The following MPHOSPH8 variants were observed in gnomAD, a reference collection of about 807,000 sequenced individuals.
MPHOSPH8 encodes M-phase phosphoprotein, mpp.
Under a neutral mutation model 87.3 loss-of-function variants are expected in MPHOSPH8, and 45 were observed. That is an observed-to-expected ratio of 0.52 (90% CI 0.41 to 0.66). The LOEUF (loss-of-function observed/expected upper bound fraction) is 0.66, where lower values mean the gene tolerates loss of function less well. MPHOSPH8 is among the 30% of genes least tolerant of loss of function. The probability of loss-of-function intolerance (pLI) is 0.00; values close to 1 mark genes in which losing one functional copy is unlikely to be tolerated. For missense variants in MPHOSPH8, 883 were observed against 1,020.2 expected, an observed-to-expected ratio of 0.87 and a Z score of 1.83; for synonymous variants, 366 against 376.9, an observed-to-expected ratio of 0.97 and a Z score of 0.33.
rs559498022 is a variant in MPHOSPH8 at position 19,665,133 on chromosome 13, GA to G, written c.2020-1291del. Among the ~76,000 whole-genome samples the G allele has an allele frequency of 3.0e-4, 46 of 152,154 alleles. No homozygotes were observed. The South Asian group carries it at 9.1e-3, about 30-fold the overall frequency. On this transcript the variant is annotated intron_variant, in intron 9 of 13. Transcript: ENST00000361479. ...GAGATGGCTCTGGAAGTGGGTTGGG[GA>G]GGGCGTGGCGTTTCTTCCCTGAGCG...
intron 1 of MPHOSPH8, among the ~76,000 whole-genome samples, chr13:19,638,422 G>A (rs1484985674): frequency 1.3e-5 from 2 of 151,916 alleles, no homozygotes; most frequent in African/African-American, 4.8e-5. Flanking sequence ...AGACTATCCT[G>A]GCCAACATGG....
At chr13:19,664,400 G>A (rs935563466) in intron 9 of MPHOSPH8, among the ~76,000 whole-genome samples, 4 of 152,210 alleles carry the variant, frequency 2.6e-5, no homozygotes, top group Non-Finnish European at 5.9e-5. Context: ...GAGCATGAGA[G>A]AGGTGGGTGG....
Position 19,661,763 on chromosome 13 carries a change from C to T in MPHOSPH8, c.1857C>T (p.Leu619=). ...GAGGGCAGGACGACCTCCTGCGACTCCTCATCACAAAAGGCGCGAAAGTGA... is the reference window on the plus strand; with the variant it reads ...GAGGGCAGGACGACCTCCTGCGACTTCTCATCACAAAAGGCGCGAAAGTGA... ...AAGGQDDLLR[L]LITKGAKVNG... Residue 619 remains leucine (L), a synonymous_variant, in exon 8 of 14, where the codon CTC becomes CTT. Transcript: ENST00000361479. 1 of 1,613,198 alleles carries T rather than the reference C, an allele frequency of 6.2e-7. No individual in the cohort carries two copies. The highest frequency in any genetic ancestry group is 8.5e-7 in the Non-Finnish European group (1 of 1,179,550).
At chr13:19,643,009 A>T (rs1037372015) in intron 2 of MPHOSPH8, among the ~76,000 whole-genome samples, 2 of 152,210 alleles carry the variant, frequency 1.3e-5, no homozygotes, top group African/African-American at 4.8e-5. Context: ...TATTTATAAG[A>T]TGACCACTGG....
chr13:19,665,508 G>T (rs61338420), intron 9 of MPHOSPH8, among the ~76,000 whole-genome samples: 1 of 119,422 alleles, frequency 8.4e-6, no homozygotes, highest in East Asian at 2.1e-4. Flanking sequence ...AGCCTGTCCT[G>T]GACGGCGTCC....
At chr13:19,634,726 C>A (rs1873901752) in intron 1 of MPHOSPH8, among the ~76,000 whole-genome samples, 2 of 152,158 alleles carry the variant, frequency 1.3e-5, no homozygotes, top group South Asian at 4.1e-4. Flanking sequence ...GCATTTAAGC[C>A]ATTATCGTTC....
At position 19,646,811 on chromosome 13, in the gene MPHOSPH8, C is replaced by T. The variant is rs2137510879; in HGVS notation, c.738C>T (p.Pro246=). 1 of 1,590,502 alleles carries T rather than the reference C, an allele frequency of 6.3e-7. No homozygotes were observed. Among genetic ancestry groups the T allele is most frequent in the South Asian group, 1.2e-5 (1 of 85,808 alleles). ...TAAAGACGAAAACAAGAGAAGATCC[C>T]AAAGAAAATAGAAAAACAAAAAAAG... ...RDLKTKTRED[P]KENRKTKKEK... The change falls in exon 3 of 14, where the codon CCC becomes CCT. Residue 246 remains proline (P), a synonymous_variant. Coordinates refer to ENST00000361479, the MANE Select transcript of MPHOSPH8 (RefSeq NM_017520.4).
At chr13:19,658,184 T>C (rs1259857163) in intron 5 of MPHOSPH8, among the ~76,000 whole-genome samples, 1 of 152,232 alleles carries the variant, frequency 6.6e-6, no homozygotes, top group Non-Finnish European at 1.5e-5. Context: ...GAAAAGTTCT[T>C]CATTTATTGC....
chr13:19,651,025 A>G (rs1194852715), intron 5 of MPHOSPH8, among the ~76,000 whole-genome samples: 3 of 152,262 alleles, frequency 2.0e-5, no homozygotes, highest in Non-Finnish European at 4.4e-5. Context: ...CCAAATAGTA[A>G]CACTGCTGTT....
chr13:19,671,046 T>C, intron 12 of MPHOSPH8, 160 bp from the exon 13 acceptor site: 1 of 1,422,292 alleles, frequency 7.0e-7, no homozygotes, highest in African/African-American at 1.4e-5. Flanking sequence ...GTCTCAAACT[T>C]CTGGGCTCAA....
rs1268317951 is a variant in MPHOSPH8, at chr13:19,654,300, G to C, written c.1576+4040G>C. On this transcript the variant is annotated intron_variant, in intron 5 of 13. Coordinates refer to ENST00000361479, the MANE Select transcript of MPHOSPH8 (RefSeq NM_017520.4). ...CAAGGAGAACACATGGACCCAGGGA[G>C]GGGAACATCACACACCAGGGCCTGT... Among the ~76,000 whole-genome samples, 3 of 152,294 alleles carry C rather than the reference G, an allele frequency of 2.0e-5. No individual in the cohort carries two copies. The East Asian group carries it at 5.8e-4, about 29-fold the overall frequency.
At chr13:19,658,415 G>A (rs1052494146) in intron 5 of MPHOSPH8, among the ~76,000 whole-genome samples, 8 of 152,122 alleles carry the variant, frequency 5.3e-5, no homozygotes, top group Non-Finnish European at 7.3e-5. Context: ...GAACACATGC[G>A]TCCTCAGTGT....
In MPHOSPH8 at chr13:19,647,132, C is replaced by G; in HGVS notation, c.1059C>G (p.Phe353Leu). The change falls in exon 3 of 14, where the codon TTC becomes TTG. Residue 353 changes from phenylalanine to leucine, a missense_variant. Physicochemically the swap from Phe to Leu is conservative, Grantham distance 22 (BLOSUM62 0). Coordinates refer to ENST00000361479, the MANE Select transcript of MPHOSPH8 (RefSeq NM_017520.4). The part of the protein sequence containing the change: ...ENRKLENKNA[F>L]LEKKTVPKKQ... Reference sequence around the variant, plus strand: ...GGAAGCTAGAGAACAAGAACGCTTTCTTAGAGAAGAAAACTGTGCCTAAAA... The same window carrying G: ...GGAAGCTAGAGAACAAGAACGCTTTGTTAGAGAAGAAAACTGTGCCTAAAA... The G allele has an allele frequency of 6.2e-7, 1 of 1,614,018 alleles. No individual in the cohort carries two copies. Among genetic ancestry groups the G allele is most frequent in the South Asian group, 1.1e-5 (1 of 91,068 alleles).
At chr13:19,666,321 T>C in intron 9 of MPHOSPH8, 104 bp from the exon 10 acceptor site, 2 of 1,224,446 alleles carry the variant, frequency 1.6e-6, no homozygotes, top group Non-Finnish European at 1.1e-6. Flanking sequence ...TTCCATGGCC[T>C]GTGCCCTCTC....
At chr13:19,640,660 C>T (rs930856045) in intron 1 of MPHOSPH8, among the ~76,000 whole-genome samples, 1 of 152,108 alleles carries the variant, frequency 6.6e-6, no homozygotes, top group Non-Finnish European at 1.5e-5. Flanking sequence ...TGCCTACTAC[C>T]ACGCCTGGCT....
intron 10 of MPHOSPH8, among the ~76,000 whole-genome samples, 180 bp from the exon 11 acceptor site, chr13:19,668,197 T>C (rs1875920358): frequency 6.6e-6 from 1 of 152,060 alleles, no homozygotes; most frequent in African/African-American, 2.4e-5. Flanking sequence ...TCCACTGAGA[T>C]GGACAACAAG....
chr13:19,666,382 AGT>A, intron 9 of MPHOSPH8, 41 bp from the exon 10 acceptor site: 1 of 1,561,906 alleles, frequency 6.4e-7, no homozygotes, highest in Non-Finnish European at 8.8e-7. Context: ...CCCATGCCAC[AGT>A]TTACAGCTAA....
At chr13:19,653,774 A>G (rs941097959) in intron 5 of MPHOSPH8, among the ~76,000 whole-genome samples, 5 of 152,228 alleles carry the variant, frequency 3.3e-5, no homozygotes, top group Non-Finnish European at 5.9e-5. Flanking sequence ...ACAAGTATCA[A>G]TAACGAAATC....
chr13:19,634,408 C>A (rs1257260487), intron 1 of MPHOSPH8, among the ~76,000 whole-genome samples: 1 of 152,172 alleles, frequency 6.6e-6, no homozygotes, highest in Non-Finnish European at 1.5e-5. Flanking sequence ...AGTAAAATCT[C>A]AATCTTACCC....
Sources: allele counts gnomAD v4.1 joint callset (sites outside exome capture counted in the v4.1 genomes callset), GRCh38; gene constraint gnomAD v4.1.1; transcripts MANE v1.5; gene names NCBI Gene and HGNC (gene_info 2026-07-23, HGNC 2026-07-21).